XYLB: variants seen among roughly 807,000 people sequenced by gnomAD.
The protein encoded by XYLB is xylulose kinase.
Under a neutral mutation model 78.7 loss-of-function variants are expected in XYLB, and 62 were observed. The ratio of observed to expected loss-of-function variants is 0.79; its 90% CI spans 0.64 to 0.97. The LOEUF is 0.97. XYLB is among the 50% of genes least tolerant of loss of function. The pLI is 0.00. For missense variants in XYLB, 687 were observed against 676.8 expected, an observed-to-expected ratio of 1.02 and a Z score of -0.17; for synonymous variants, 245 against 247.4, an observed-to-expected ratio of 0.99 and a Z score of 0.09.
chr3:38,412,522 A>G (rs1708636571), intron 18 of XYLB, among the ~76,000 whole-genome samples: 1 of 152,206 alleles, frequency 6.6e-6, no homozygotes. Flanking sequence ...TCCTACATTT[A>G]GGATTATTTC....
chr3:38,352,102 G>C (rs1705395236), intron 2 of XYLB, among the ~76,000 whole-genome samples: 1 of 152,192 alleles, frequency 6.6e-6, no homozygotes, highest in South Asian at 2.1e-4. Flanking sequence ...CTCTTCCAAA[G>C]TGGTGATTTT....
chr3:38,433,896 A>C, the XYLB span, among the ~76,000 whole-genome samples: 1 of 152,190 alleles, frequency 6.6e-6, no homozygotes, highest in Admixed American at 6.5e-5. Flanking sequence ...AATTTACCCT[A>C]TTAGGCTGTT....
chr3:38,376,041 A>G (rs1268264518), intron 12 of XYLB, 76 bp from the exon 13 acceptor site: 2 of 979,620 alleles, frequency 2.0e-6, no homozygotes, highest in African/African-American at 3.2e-5. Flanking sequence ...CCTCTGCCTG[A>G]GTCTCTTCAC....
chr3:38,392,509 C>T (rs1370250215), intron 15 of XYLB, among the ~76,000 whole-genome samples: 1 of 152,098 alleles, frequency 6.6e-6, no homozygotes. Flanking sequence ...GTTGGCCAGG[C>T]TGATCTCAAA....
chr3:38,364,697 G>A (rs539398435), intron 4 of XYLB, among the ~76,000 whole-genome samples: 3 of 120,134 alleles, frequency 2.5e-5, no homozygotes, highest in South Asian at 3.4e-4. Flanking sequence ...CTGTTCCCAC[G>A]ACCCTGTCAC....
At chr3:38,395,408 T>C in intron 15 of XYLB, 97 bp from the exon 16 acceptor site, 1 of 1,117,230 alleles carries the variant, frequency 9.0e-7, no homozygotes, top group Middle Eastern at 1.9e-4. Flanking sequence ...CATTGGCCCA[T>C]CATGAGCCCT....
chr3:38,413,389 C>T lies in XYLB; in HGVS notation c.*376C>T, dbSNP rs1349409706. On this transcript the variant is annotated 3_prime_UTR_variant, in exon 19 of 19. Transcript: ENST00000207870. ...ATGGGGGAGACAAAGCCCGGTCTCA[C>T]CCCCTAACCTCATCCTATCTCTTTC... 5.5e-6 allele frequency: 1 copy of T among 180,936 alleles called. No homozygotes were observed. The highest frequency in any genetic ancestry group is 2.4e-5 in the African/African-American group (1 of 42,500). 11.2% of individuals were successfully genotyped at this position (180,936 alleles called of 1,614,324 possible).
rs1193811836 is a variant in XYLB at position 38,413,759 on chromosome 3, C to T, written c.*746C>T. ...CCTGTGCCCTCCCTTTAGCTATGCC[C>T]ACAGATCACTGAGAGGGACCATCTC... is the stretch of plus-strand genomic sequence containing the variant. On this transcript the variant is annotated 3_prime_UTR_variant, in exon 19 of 19. Transcript: ENST00000207870. The T allele has an allele frequency of 6.6e-6, 1 of 152,172 alleles. No homozygotes were observed. Among genetic ancestry groups the T allele is most frequent in the Non-Finnish European group, 1.5e-5 (1 of 68,076 alleles). 9.4% of individuals were successfully genotyped at this position (152,172 alleles called of 1,614,324 possible).
chr3:38,376,242 T>C lies in XYLB; in HGVS notation c.1120+10T>C, dbSNP rs776109391. Reference sequence around the variant, plus strand: ...AACGGTGGAAACCTGGGTAGGCCAGTTGGTGGTGCCCAGGCCTGTGAAGGG... The same window carrying C: ...AACGGTGGAAACCTGGGTAGGCCAGCTGGTGGTGCCCAGGCCTGTGAAGGG... On this transcript the variant is annotated intron_variant, in intron 13 of 18. Coordinates refer to ENST00000207870, the MANE Select transcript of XYLB (RefSeq NM_005108.4). 6.9e-6 allele frequency: 11 copies of C among 1,586,222 alleles called. No homozygotes were observed. Among genetic ancestry groups the C allele is most frequent in the South Asian group, 2.2e-5 (2 of 90,452 alleles).
chr3:38,377,836 A>ACAAG (rs71085318), intron 14 of XYLB, among the ~76,000 whole-genome samples: 52,282 of 151,752 alleles, frequency 0.34, 10,195 homozygotes, highest in South Asian at 0.46. Flanking sequence ...GCCCAGAGTC[A>ACAAG]CAAGGTCATA....
chr3:38,364,128 G>A (rs1236902458), intron 4 of XYLB, among the ~76,000 whole-genome samples: 1 of 151,922 alleles, frequency 6.6e-6, no homozygotes, highest in East Asian at 1.9e-4. Context: ...ACTGAGTTCT[G>A]TCTCCCTTCA....
chr3:38,406,253 C>T (rs1263318652), intron 18 of XYLB, among the ~76,000 whole-genome samples: 1 of 152,224 alleles, frequency 6.6e-6, no homozygotes, highest in African/African-American at 2.4e-5. Context: ...CTGCAGCCAC[C>T]ACTGCTGATA....
chr3:38,403,496 A>T lies in XYLB; in HGVS notation c.1533+2511A>T, dbSNP rs558122195. 2.0e-5 allele frequency among the ~76,000 whole-genome samples: 3 copies of T among 152,266 alleles called. No individual in the cohort carries two copies. In the East Asian group the frequency reaches 5.8e-4, roughly 30 times the overall value. On this transcript the variant is annotated intron_variant, in intron 18 of 18. Coordinates refer to ENST00000207870, the MANE Select transcript of XYLB (RefSeq NM_005108.4). ...CAGGACAGCTATAGCTGCCCCAAAC[A>T]TCATGTCTTCACAGCTGTATTCGAA...
downstream of XYLB, among the ~76,000 whole-genome samples, chr3:38,416,459 C>T (rs1046827854): frequency 2.6e-5 from 4 of 152,088 alleles, no homozygotes; most frequent in Admixed American, 2.0e-4. Flanking sequence ...AATGTACCAT[C>T]ATACAGTAAA....
chr3:38,429,828 T>A, the XYLB span, among the ~76,000 whole-genome samples: 1 of 152,148 alleles, frequency 6.6e-6, no homozygotes, highest in Admixed American at 6.6e-5. Context: ...GTCCTTGAGA[T>A]AGTTTGCTCA....
In XYLB at chr3:38,397,071, G is replaced by T; in HGVS notation, c.1351-1G>T. ...CAGTAGAACCTCTGTGTCCTTTTCAGGTGCTTGCAGATGTGTTTGATGCCC... is the reference window on the plus strand; with the variant it reads ...CAGTAGAACCTCTGTGTCCTTTTCATGTGCTTGCAGATGTGTTTGATGCCC... On this transcript the variant is annotated splice_acceptor_variant, in intron 16 of 18. Coordinates refer to ENST00000207870, the MANE Select transcript of XYLB (RefSeq NM_005108.4). LOFTEE classifies it high-confidence loss of function. 6.2e-7 allele frequency: 1 copy of T among 1,614,158 alleles called. No individual in the cohort carries two copies. The highest frequency in any genetic ancestry group is 8.5e-7 in the Non-Finnish European group (1 of 1,180,006).
intron 18 of XYLB, among the ~76,000 whole-genome samples, chr3:38,401,557 C>A (rs562657169): frequency 1.4e-4 from 21 of 152,346 alleles, no homozygotes; most frequent in African/African-American, 5.0e-4. Context: ...AATGCAATTT[C>A]TGGAGCCTAA....
At chr3:38,415,222 A>T (rs775808154), downstream of XYLB, among the ~76,000 whole-genome samples, 15 of 152,264 alleles carry the variant, frequency 9.9e-5, no homozygotes, top group Non-Finnish European at 1.5e-5. Context: ...CAAAGTATGA[A>T]CTGAGGATTT....
chr3:38,365,526 G>A, intron 5 of XYLB, 82 bp from the exon 6 acceptor site: 2 of 1,541,318 alleles, frequency 1.3e-6, no homozygotes, highest in Non-Finnish European at 1.8e-6. Context: ...CTGCCGTGAT[G>A]GGCAGTGTGA....
Sources: gnomAD v4.1 joint callset for allele counts (sites outside exome capture counted in the v4.1 genomes callset) on GRCh38, gnomAD v4.1.1 for gene constraint, MANE v1.5 for transcripts, NCBI Gene and HGNC (gene_info 2026-07-23, HGNC 2026-07-21) for gene names.